The following KDM3A variants were observed in gnomAD, a reference collection of about 807,000 sequenced individuals.
KDM3A encodes the protein lysine demethylase 3A, also known as lysine-specific demethylase 3A.
KDM3A carries 60 observed loss-of-function variants against 158.0 expected under a neutral mutation model. That is an observed-to-expected ratio of 0.38 (90% confidence interval 0.31 to 0.47). The LOEUF is 0.47. KDM3A is among the 20% of genes least tolerant of loss of function. The probability of loss-of-function intolerance (pLI) is 0.99; values close to 1 mark genes in which losing one functional copy is unlikely to be tolerated. For missense variants in KDM3A, 1,319 were observed against 1,574.3 expected (o/e 0.84, Z 2.74); for synonymous variants, 608 against 549.3 (o/e 1.11, Z -1.49).
chr2:86,473,301 C>T (rs911481954), intron 11 of KDM3A, among the ~76,000 whole-genome samples: 2 of 152,182 alleles, frequency 1.3e-5, no homozygotes, highest in South Asian at 2.1e-4. Flanking sequence ...GCTAGGACTA[C>T]AGGCTTGTGC....
chr2:86,460,797 A>G (rs1326103540), intron 8 of KDM3A: 2 of 152,134 alleles, frequency 1.3e-5, no homozygotes, highest in Non-Finnish European at 2.9e-5. Context: ...TATTGCCATG[A>G]CTGGTATAGA....
At position 86,456,890 on chromosome 2, in the gene KDM3A, A is replaced by G; in HGVS notation, c.754+13A>G. On this transcript the variant is annotated intron_variant, in intron 7 of 25. Coordinates refer to ENST00000312912, the MANE Select transcript of KDM3A (RefSeq NM_018433.6). ...CTTGTGACATGTGGTAAGATATGTT[A>G]TTAAAATCTTTCTTCTCCTTCCTCC... is the stretch of plus-strand genomic sequence containing the variant. The G allele has an allele frequency of 1.9e-6, 3 of 1,600,806 alleles. No individual in the cohort carries two copies. The highest frequency in any genetic ancestry group is 1.1e-5 in the South Asian group (1 of 90,342).
At position 86,470,274 on chromosome 2, in the gene KDM3A, C is replaced by T. The variant is rs762222097; in HGVS notation, c.1590C>T (p.Phe530=). The stretch of plus-strand genomic sequence containing the variant: ...AGCTGCAACAGAGTGGCGAGGCCTT[C>T]GTACAGGATGATTCTTGTGTGAACA... ...LKKLQQSGEA[F]VQDDSCVNIV... The change falls in exon 11 of 26, where the codon TTC becomes TTT. Residue 530 remains phenylalanine (F), a synonymous_variant. Transcript: ENST00000312912. 7 of 1,614,012 alleles carry T rather than the reference C, an allele frequency of 4.3e-6. No individual in the cohort carries two copies. Among genetic ancestry groups the T allele is most frequent in the Middle Eastern group, 1.6e-4 (1 of 6,082 alleles).
chr2:86,489,407 A>G lies in KDM3A; in HGVS notation c.3403A>G (p.Ile1135Val), dbSNP rs1674346376. 6.2e-7 allele frequency: 1 copy of G among 1,614,066 alleles called. No individual in the cohort carries two copies. Among genetic ancestry groups the G allele is most frequent in the African/African-American group, 1.3e-5 (1 of 75,060 alleles). ...AGCTAATGTCATGGTCTATGTGGGA[A>G]TTCCCAAAGGACAGTGTGAGCAAGA... ...DAANVMVYVG[I>V]PKGQCEQEEE... The change falls in exon 22 of 26, where the codon ATT becomes GTT. Residue 1135 changes from isoleucine to valine, a missense_variant. Physicochemically the swap from Ile to Val is conservative, Grantham distance 29. Transcript: ENST00000312912.
chr2:86,455,113 C>G lies in KDM3A; in HGVS notation c.482C>G (p.Thr161Arg). ...QDVNSLRLSL[T>R]DNQIVSKEFQ... ...GTAAACAGTCTTCGACTTTCTCTTA[C>G]GGATAATCAGATTGTCAGTAAAGAA... The change falls in exon 5 of 26, where the codon ACG (threonine) becomes AGG (arginine). Residue 161 changes from threonine to arginine, a missense_variant. By Grantham distance (71) the Thr-to-Arg change is moderately conservative. This residue lies in a region of KDM3A where 652 missense variants were observed against 627.2 expected (regional missense o/e 1.04). Transcript: ENST00000312912. The G allele has an allele frequency of 6.3e-7, 1 of 1,598,716 alleles. No homozygotes were observed. The highest frequency in any genetic ancestry group is 2.2e-5 in the East Asian group (1 of 44,660).
chr2:86,477,046 TAA>T (rs1192598325), intron 12 of KDM3A, among the ~76,000 whole-genome samples: 1 of 152,208 alleles, frequency 6.6e-6, no homozygotes, highest in African/African-American at 2.4e-5. Flanking sequence ...AGCTTGCTGA[TAA>T]CCTGGTTTGG....
At chr2:86,460,944 T>C (rs565001044) in intron 8 of KDM3A, 3 of 152,240 alleles carry the variant, frequency 2.0e-5, no homozygotes, top group African/African-American at 4.8e-5. Context: ...CTTAGGAAAG[T>C]TGTAGAAGGA....
upstream of KDM3A, chr2:86,440,966 G>A (rs1423257053): frequency 2.0e-5 from 3 of 152,272 alleles, no homozygotes; most frequent in Non-Finnish European, 4.4e-5. Flanking sequence ...CAATCCAGTA[G>A]GCACTTATAG....
intron 2 of KDM3A, chr2:86,442,567 T>G (rs1440233602): frequency 4.9e-6 from 1 of 204,394 alleles, no homozygotes; most frequent in Non-Finnish European, 9.9e-6. Context: ...GGCCTGTAAG[T>G]GACGTTTGGA....
intron 2 of KDM3A, among the ~76,000 whole-genome samples, chr2:86,444,225 C>T (rs10180819): frequency 0.01 from 1,565 of 152,246 alleles, 30 homozygotes; most frequent in African/African-American, 0.033. Context: ...TAATTAGCTG[C>T]GGAGGGAGGC....
chr2:86,466,456 C>T lies in KDM3A; in HGVS notation c.1092C>T (p.Cys364=). The T allele has an allele frequency of 6.2e-7, 1 of 1,613,808 alleles. No homozygotes were observed. The highest frequency in any genetic ancestry group is 1.3e-5 in the African/African-American group (1 of 75,004). ...SEALRTKPDV[C]KAGLLSKSSQ... is the part of the protein sequence containing the mutation. ...CTCTGAGAACAAAACCAGATGTCTG[C>T]AAAGCAGGGTTGCTCTCAAAGTCCT... Residue 364 remains cysteine (C), a synonymous_variant, in exon 10 of 26, where the codon TGC becomes TGT. Coordinates refer to ENST00000312912, the MANE Select transcript of KDM3A (RefSeq NM_018433.6).
At chr2:86,476,541 T>C (rs961213969) in intron 12 of KDM3A, among the ~76,000 whole-genome samples, 3 of 151,856 alleles carry the variant, frequency 2.0e-5, no homozygotes, top group Non-Finnish European at 4.4e-5. Context: ...TATGCCACCA[T>C]ACCCAGAAGA....
intron 8 of KDM3A, among the ~76,000 whole-genome samples, chr2:86,463,439 C>T (rs1181466545): frequency 6.6e-6 from 1 of 152,114 alleles, no homozygotes; most frequent in Non-Finnish European, 1.5e-5. Flanking sequence ...ATTAAGTTAC[C>T]TGAAAAGGGA....
At chr2:86,439,242 T>C (rs6547688), upstream of KDM3A, among the ~76,000 whole-genome samples, 118,034 of 151,650 alleles carry the variant, frequency 0.78, 46,315 homozygotes, top group East Asian at 0.95. Context: ...CGATTTTTCT[T>C]TTTTAACCTG....
At chr2:86,469,708 C>T (rs956207774) in intron 10 of KDM3A, among the ~76,000 whole-genome samples, 1 of 152,094 alleles carries the variant, frequency 6.6e-6, no homozygotes, top group African/African-American at 2.4e-5. Flanking sequence ...CCAGGGGCTA[C>T]GTAGGAAAGT....
chr2:86,481,862 G>T, intron 16 of KDM3A, 68 bp from the exon 17 acceptor site: 1 of 1,226,010 alleles, frequency 8.2e-7, no homozygotes, highest in South Asian at 1.3e-5. Flanking sequence ...AATTCTGCTA[G>T]TAGAATACTA....
Position 86,489,571 on chromosome 2 carries a change from G to A in KDM3A, c.3485G>A (p.Arg1162Gln). 1 of 1,613,994 alleles carries A rather than the reference G, an allele frequency of 6.2e-7. No individual in the cohort carries two copies. The highest frequency in any genetic ancestry group is 1.1e-5 in the South Asian group (1 of 91,064). The stretch of plus-strand genomic sequence containing the variant: ...GATTCTGACGAACTCACAATAAAGC[G>A]ATTTATTGAAGGAAAAGAGAAGCCA... Reference protein sequence around the residue: ...DGDSDELTIKRFIEGKEKPGA... With the variant: ...DGDSDELTIKQFIEGKEKPGA... The change falls in exon 23 of 26, where the codon CGA (arginine) becomes CAA (glutamine). Residue 1162 changes from arginine to glutamine, a missense_variant. By Grantham distance (43) the Arg-to-Gln change is conservative. Coordinates refer to ENST00000312912, the MANE Select transcript of KDM3A (RefSeq NM_018433.6).
At chr2:86,442,357 G>T (rs1449830795) in intron 2 of KDM3A, 124 bp downstream of exon 2, 2 of 890,750 alleles carry the variant, frequency 2.2e-6, no homozygotes, top group Non-Finnish European at 3.4e-6. Context: ...ATCTGAAGGT[G>T]CAGGAAGCTA....
At chr2:86,474,678 AG>A (rs1233379804) in intron 11 of KDM3A, 97 bp from the exon 12 acceptor site, 2 of 704,752 alleles carry the variant, frequency 2.8e-6, no homozygotes, top group East Asian at 3.2e-5. Flanking sequence ...AAAAAAAAAA[AG>A]TAATTACAAG....
Sources: allele counts gnomAD v4.1 joint callset (sites outside exome capture counted in the v4.1 genomes callset), GRCh38; gene constraint gnomAD v4.1.1; regional missense constraint gnomAD v4.1.1; transcripts MANE v1.5; gene names NCBI Gene and HGNC (gene_info 2026-07-23, HGNC 2026-07-21).